CDH23: variants seen among roughly 807,000 people sequenced by gnomAD.
The protein encoded by CDH23 is cadherin-23.
In CDH23, 189 loss-of-function variants were observed where a neutral mutation model predicts 317.1. The observed-to-expected ratio is 0.60, with a 90% CI of 0.53 to 0.67. The LOEUF (loss-of-function observed/expected upper bound fraction) is 0.67. Ranked by LOEUF, CDH23 falls within the 30% of genes least tolerant of loss-of-function variation. CDH23 has a pLI of 0.00. For missense variants in CDH23, 4,401 were observed against 4,592.4 expected (o/e 0.96, Z 1.20); for synonymous variants, 1,839 against 1,876.8 (o/e 0.98, Z 0.52).
At position 71,460,170 on chromosome 10, in the gene CDH23, A is replaced by G. The variant is rs144239520; in HGVS notation, c.145+13775A>G. 3.0e-3 allele frequency among the ~76,000 whole-genome samples: 452 copies of G among 152,348 alleles called. 7 individuals are homozygous for G. The highest frequency in any genetic ancestry group is 0.019 in the Admixed American group (288 of 15,308). On this transcript the variant is annotated intron_variant, in intron 3 of 69. Transcript: ENST00000224721. ...ATGTCTCTCTCTCTCTCCATAACCA[A>G]TGCTTTACTCTTCTTGGCACAGAAC... is the stretch of plus-strand genomic sequence containing the variant.
chr10:71,568,087 G>A (rs1857512542), intron 7 of CDH23, among the ~76,000 whole-genome samples: 1 of 152,250 alleles, frequency 6.6e-6, no homozygotes. Context: ...GATGCAGAGA[G>A]AGGCCTCAAG....
At chr10:71,605,129 A>T (rs1259509941) in intron 9 of CDH23, among the ~76,000 whole-genome samples, 1 of 152,228 alleles carries the variant, frequency 6.6e-6, no homozygotes, top group African/African-American at 2.4e-5. Flanking sequence ...AAAATTTACC[A>T]TTTTAAAGTG....
chr10:71,544,787 T>C (rs1856181351), intron 6 of CDH23, among the ~76,000 whole-genome samples: 1 of 152,270 alleles, frequency 6.6e-6, no homozygotes, highest in African/African-American at 2.4e-5. Flanking sequence ...CTCCGTTTTC[T>C]AACTCTCCCC....
At chr10:71,536,960 A>T (rs976433052) in intron 6 of CDH23, among the ~76,000 whole-genome samples, 1 of 152,100 alleles carries the variant, frequency 6.6e-6, no homozygotes, top group Non-Finnish European at 1.5e-5. Context: ...TAAAACTGGA[A>T]TGAGAGGCAG....
chr10:71,645,791 G>A, intron 12 of CDH23, 40 bp from the exon 13 acceptor site: 2 of 1,602,516 alleles, frequency 1.2e-6, no homozygotes, highest in South Asian at 2.2e-5. Flanking sequence ...TTTGGCCACT[G>A]TGCCCTTCCT....
At chr10:71,763,132 T>A (rs920107039) in intron 38 of CDH23, among the ~76,000 whole-genome samples, 3 of 152,188 alleles carry the variant, frequency 2.0e-5, no homozygotes, top group African/African-American at 7.2e-5. Flanking sequence ...TCTGCAGACA[T>A]CTGAGGGATA....
intron 1 of CDH23, among the ~76,000 whole-genome samples, chr10:71,420,446 A>ATGGTGATGG (rs1848718210): frequency 7.9e-5 from 1 of 12,634 alleles, no homozygotes; most frequent in African/African-American, 3.3e-4. Flanking sequence ...GATGGTCATT[A>ATGGTGATGG]TGATGGTGAT....
chr10:71,573,076 A>C (rs779355848), intron 8 of CDH23, among the ~76,000 whole-genome samples: 2 of 152,226 alleles, frequency 1.3e-5, no homozygotes, highest in African/African-American at 4.8e-5. Flanking sequence ...TTGTGCCTGC[A>C]GTGGTGCCTC....
chr10:71,669,030 C>T (rs1048251939), intron 14 of CDH23, among the ~76,000 whole-genome samples: 3 of 152,240 alleles, frequency 2.0e-5, no homozygotes, highest in African/African-American at 7.2e-5. Context: ...CACTAGGGAG[C>T]AGCCAGTCTC....
At chr10:71,773,395 T>A (rs776482242) in intron 38 of CDH23, 2 of 1,609,972 alleles carry the variant, frequency 1.2e-6, no homozygotes, top group African/African-American at 1.3e-5. Flanking sequence ...AGAGCAGGGA[T>A]CCCCAGCGCC....
chr10:71,724,016 G>A lies in CDH23; in HGVS notation c.3370-29G>A, dbSNP rs72817951. Reference sequence around the variant, plus strand: ...TCTCTCCCTGCTGGGTGGCATTCAAGAAGTAACTCGTGTCTCATTCTTCCT... The same window carrying A: ...TCTCTCCCTGCTGGGTGGCATTCAAAAAGTAACTCGTGTCTCATTCTTCCT... On this transcript the variant is annotated intron_variant, in intron 28 of 69. Transcript: ENST00000224721. 99,311 of 1,552,824 alleles carry A rather than the reference G, an allele frequency of 0.064. 3,685 individuals carry two copies. The highest frequency in any genetic ancestry group is 0.077 in the Non-Finnish European group (87,783 of 1,147,484).
intron 6 of CDH23, among the ~76,000 whole-genome samples, chr10:71,518,948 AGGCTGTG>A (rs1854495894): frequency 6.6e-6 from 1 of 152,222 alleles, no homozygotes; most frequent in African/African-American, 2.4e-5. Flanking sequence ...GGCGTGGCCA[AGGCTGTG>A]GGCGTCCTCC....
chr10:71,688,506 C>A (rs911060619), intron 19 of CDH23, among the ~76,000 whole-genome samples: 4 of 132,774 alleles, frequency 3.0e-5, no homozygotes, highest in Non-Finnish European at 6.5e-5. Context: ...GATGGTGGAG[C>A]CAGGGGTGGT....
At chr10:71,447,750 G>A (rs1170830703) in intron 3 of CDH23, among the ~76,000 whole-genome samples, 1 of 152,172 alleles carries the variant, frequency 6.6e-6, no homozygotes, top group African/African-American at 2.4e-5. Flanking sequence ...GTCCCTTGGG[G>A]ACCCTGCTAA....
chr10:71,632,628 G>A (rs548712206), intron 11 of CDH23, among the ~76,000 whole-genome samples: 1 of 152,066 alleles, frequency 6.6e-6, no homozygotes, highest in Non-Finnish European at 1.5e-5. Context: ...GCTGGGGGAG[G>A]GGCTAGATGG....
chr10:71,774,000 CAGTTTAACTGT>C (rs974594404), intron 38 of CDH23, among the ~76,000 whole-genome samples: 3 of 151,196 alleles, frequency 2.0e-5, no homozygotes, highest in African/African-American at 7.3e-5. Flanking sequence ...AAGCTGGAGC[CAGTTTAACTGT>C]AGATTCAGAG....
In CDH23 at chr10:71,812,317, C is replaced by T. The variant is rs755214503; in HGVS notation, c.9381-163C>T. 2.2e-5 allele frequency: 35 copies of T among 1,598,670 alleles called. No individual in the cohort carries two copies. The East Asian group carries it at 7.1e-4, about 33-fold the overall frequency. The stretch of plus-strand genomic sequence containing the variant: ...ATGCGGTCCTGGTTCCAGCAGGATC[C>T]TATGGTGGGAGCATGCACCACAGGC... On this transcript the variant is annotated intron_variant, in intron 66 of 69. Transcript: ENST00000224721.
intron 17 of CDH23, among the ~76,000 whole-genome samples, chr10:71,682,139 C>T: frequency 6.6e-6 from 1 of 152,240 alleles, no homozygotes; most frequent in Non-Finnish European, 1.5e-5. Flanking sequence ...CTCATCTCCC[C>T]ACTCTGTTGA....
intron 1 of CDH23, among the ~76,000 whole-genome samples, chr10:71,435,316 C>A (rs183025814): frequency 7.9e-5 from 12 of 152,282 alleles, no homozygotes; most frequent in Middle Eastern, 3.4e-3. Context: ...AAACTGGGAG[C>A]CCTGGGATTT....
Sources: gnomAD v4.1 joint callset for allele counts (sites outside exome capture counted in the v4.1 genomes callset) on GRCh38, gnomAD v4.1.1 for gene constraint, MANE v1.5 for transcripts, NCBI Gene and HGNC (gene_info 2026-07-23, HGNC 2026-07-21) for gene names.